QTMAN: variants seen among roughly 807,000 people sequenced by gnomAD.
QTMAN encodes the protein queuosine-tRNA mannosyltransferase, also known as tRNA-queuosine alpha-mannosyltransferase.
the QTMAN span, among the ~76,000 whole-genome samples, chr2:144,112,027 G>A: frequency 7.2e-5 from 11 of 152,276 alleles, no homozygotes; most frequent in East Asian, 2.1e-3. Context: ...TGTCAATTAT[G>A]TTTAAATGAA....
the QTMAN span, among the ~76,000 whole-genome samples, chr2:143,959,971 A>G: frequency 6.6e-6 from 1 of 152,152 alleles, no homozygotes; most frequent in Non-Finnish European, 1.5e-5. Context: ...ATAAAAAGAA[A>G]TTAAATCAGA....
At chr2:144,315,664 T>C in the QTMAN span, among the ~76,000 whole-genome samples, 2 of 152,236 alleles carry the variant, frequency 1.3e-5, no homozygotes, top group African/African-American at 2.4e-5. Context: ...TCTAGGACTA[T>C]TGTACTCTTG....
chr2:144,125,081 T>A, the QTMAN span, among the ~76,000 whole-genome samples: 16 of 152,092 alleles, frequency 1.1e-4, no homozygotes, highest in Non-Finnish European at 2.2e-4. Flanking sequence ...GCCATGCCCA[T>A]GGCAGACATT....
At chr2:143,957,452 G>A in the QTMAN span, 5 of 561,540 alleles carry the variant, frequency 8.9e-6, no homozygotes, top group East Asian at 3.3e-5. Context: ...TTATTTTAAC[G>A]AACTTCTTGG....
the QTMAN span, among the ~76,000 whole-genome samples, chr2:144,271,558 G>A: frequency 2.0e-5 from 3 of 152,190 alleles, no homozygotes; most frequent in African/African-American, 7.2e-5. Flanking sequence ...CATAAAGACT[G>A]AGAAATCACC....
chr2:144,029,186 G>C, the QTMAN span, among the ~76,000 whole-genome samples: 1 of 152,110 alleles, frequency 6.6e-6, no homozygotes, highest in Non-Finnish European at 1.5e-5. Context: ...GGGAGACTAT[G>C]TCTCAATAAA....
At chr2:144,062,711 G>GA in the QTMAN span, among the ~76,000 whole-genome samples, 2 of 152,102 alleles carry the variant, frequency 1.3e-5, no homozygotes, top group African/African-American at 2.4e-5. Flanking sequence ...TAACTACCAT[G>GA]AAAAAATTAC....
chr2:144,284,067 C>A, the QTMAN span, among the ~76,000 whole-genome samples: 1 of 151,784 alleles, frequency 6.6e-6, no homozygotes, highest in East Asian at 1.9e-4. Context: ...GCAAATTTTA[C>A]AAAGGATACT....
the QTMAN span, among the ~76,000 whole-genome samples, chr2:144,186,806 A>G: frequency 1.3e-5 from 2 of 152,276 alleles, no homozygotes; most frequent in African/African-American, 2.4e-5. Context: ...CATTAGGTTC[A>G]TGTTATAGAA....
the QTMAN span, among the ~76,000 whole-genome samples, chr2:144,112,907 A>G: frequency 6.6e-6 from 1 of 152,302 alleles, no homozygotes; most frequent in South Asian, 2.1e-4. Flanking sequence ...AGAAGAACTC[A>G]GACGTCCACC....
the QTMAN span, among the ~76,000 whole-genome samples, chr2:144,162,425 G>A: frequency 1.2e-4 from 19 of 152,262 alleles, no homozygotes; most frequent in African/African-American, 4.3e-4. Flanking sequence ...TCAGAATTTA[G>A]GAAGTGACTC....
the QTMAN span, among the ~76,000 whole-genome samples, chr2:144,326,359 G>A: frequency 2.0e-3 from 311 of 152,086 alleles, 1 homozygote; most frequent in Middle Eastern, 0.01. Context: ...AGGGTGAGGC[G>A]GGCGGATCAT....
At chr2:144,104,699 A>C in the QTMAN span, among the ~76,000 whole-genome samples, 1 of 152,218 alleles carries the variant, frequency 6.6e-6, no homozygotes, top group Non-Finnish European at 1.5e-5. Flanking sequence ...TAGCCAAACA[A>C]AAGGCAGAAG....
At chr2:144,090,162 A>G in the QTMAN span, among the ~76,000 whole-genome samples, 12 of 152,080 alleles carry the variant, frequency 7.9e-5, no homozygotes, top group Admixed American at 7.9e-4. Context: ...ATGACATCCA[A>G]TATCCACTCC....
the QTMAN span, among the ~76,000 whole-genome samples, chr2:144,229,904 T>G: frequency 3.9e-5 from 6 of 152,150 alleles, no homozygotes; most frequent in Admixed American, 3.9e-4. Context: ...ACATTCTTTT[T>G]CCTGAAACCC....
chr2:144,145,626 AC>A, the QTMAN span: 1 of 1,609,936 alleles, frequency 6.2e-7, no homozygotes, highest in Non-Finnish European at 8.5e-7. Context: ...ACATTTCTTG[AC>A]AGGATATATC....
the QTMAN span, among the ~76,000 whole-genome samples, chr2:144,175,624 T>G: frequency 1.3e-3 from 196 of 152,078 alleles, no homozygotes; most frequent in South Asian, 5.0e-3. Flanking sequence ...AAGATATATA[T>G]AGAGAGATAT....
the QTMAN span, among the ~76,000 whole-genome samples, chr2:143,954,207 A>G: frequency 2.0e-5 from 3 of 152,028 alleles, no homozygotes; most frequent in Admixed American, 6.6e-5. Flanking sequence ...GAGTTTATAA[A>G]CCAGTGATAC....
At chr2:144,037,707 C>G in the QTMAN span, among the ~76,000 whole-genome samples, 1 of 152,042 alleles carries the variant, frequency 6.6e-6, no homozygotes, top group Non-Finnish European at 1.5e-5. Context: ...CTCATCAATG[C>G]CTAAGAAAAA....
Sources: gnomAD v4.1 joint callset for allele counts (sites outside exome capture counted in the v4.1 genomes callset) on GRCh38, gnomAD v4.1.1 for gene constraint, MANE v1.5 for transcripts, NCBI Gene and HGNC (gene_info 2026-07-23, HGNC 2026-07-21) for gene names.